Variants in ODR4 observed in about 807,000 individuals in gnomAD.
ODR4 encodes odr-4 GPCR localization factor homolog, also known as protein odr-4 homolog.
A neutral mutation model predicts 60.2 loss-of-function variants in ODR4; 47 were observed. That is an observed-to-expected ratio of 0.78 (90% CI 0.62 to 1.00). ODR4 has a LOEUF of 1.00. ODR4 is among the 50% of genes least tolerant of loss of function. The pLI, the probability that ODR4 is intolerant of heterozygous loss-of-function variation, is 0.00. For missense variants in ODR4, 488 were observed against 530.8 expected (o/e 0.92, Z 0.79); for synonymous variants, 178 against 175.5 (o/e 1.01, Z -0.11).
At chr1:186,426,107 C>G (rs372262634), downstream of ODR4, among the ~76,000 whole-genome samples, 2 of 152,248 alleles carry the variant, frequency 1.3e-5, no homozygotes, top group African/African-American at 4.8e-5. Flanking sequence ...TGTTGCCTTT[C>G]TGTTTTCTCA....
At chr1:186,398,560 C>A in intron 10 of ODR4, 119 bp downstream of exon 10, 2 of 990,114 alleles carry the variant, frequency 2.0e-6, no homozygotes, top group Non-Finnish European at 2.8e-6. Context: ...TGATAATGGC[C>A]TATTGTGCAG....
At position 186,419,284 on chromosome 1, in the gene ODR4, ATAACGT is replaced by A; in HGVS notation, c.*211_*216del. 1.8e-6 allele frequency: 1 copy of A among 564,744 alleles called. No homozygotes were observed. The highest frequency in any genetic ancestry group is 3.2e-6 in the Non-Finnish European group (1 of 317,098). The allele number at this position is 564,744 out of a possible 1,614,324, so 35.0% of individuals were successfully genotyped here. A position where few individuals can be genotyped will look rare whatever the true frequency, so the allele number is the denominator to read the frequency against. On this transcript the variant is annotated 3_prime_UTR_variant, in exon 14 of 14. Coordinates refer to ENST00000287859, the MANE Select transcript of ODR4 (RefSeq NM_017847.6). ...TTGTAGGTGGCCCGCATTTCCAGAA[ATAACGT>A]TATGCATCTAGATGGAAGCTGCATG...
In ODR4 at chr1:186,417,567, A is replaced by G. The variant is rs1476318466; in HGVS notation, c.1210A>G (p.Ser404Gly). Residue 404 changes from serine to glycine, a missense_variant, in exon 13 of 14, where the codon AGT becomes GGT. Ser to Gly is a moderately conservative substitution (Grantham distance 56). Coordinates refer to ENST00000287859, the MANE Select transcript of ODR4 (RefSeq NM_017847.6). ...NTACMSSSMNSQASLDNTDDE... is the reference protein window; with the variant it reads ...NTACMSSSMNGQASLDNTDDE... ...AGCTTGTATGAGTTCTTCTATGAAT[A>G]GTCAAGCTTCATTGGACAACACAGA... 1.1e-5 allele frequency: 17 copies of G among 1,593,482 alleles called. No individual in the cohort carries two copies. Among genetic ancestry groups the G allele is most frequent in the Non-Finnish European group, 1.5e-5 (17 of 1,166,944 alleles).
At position 186,399,701 on chromosome 1, in the gene ODR4, ATAT is replaced by A. The variant is rs150706325; in HGVS notation, c.1000+663_1000+665del. ...TTTAAATAATTTAGCCATAATCAAA[ATAT>A]TATTAGTGTTAAATACTATATAATA... On this transcript the variant is annotated intron_variant, in intron 11 of 13. Transcript: ENST00000287859. Among the ~76,000 whole-genome samples, 942 of 152,242 alleles carry A rather than the reference ATAT, an allele frequency of 6.2e-3. 12 individuals are homozygous for A. The highest frequency in any genetic ancestry group is 0.021 in the African/African-American group (887 of 41,536).
chr1:186,389,276 A>C (rs1660366012), intron 5 of ODR4, among the ~76,000 whole-genome samples: 1 of 151,974 alleles, frequency 6.6e-6, no homozygotes, highest in Non-Finnish European at 1.5e-5. Context: ...TTTCTTATGG[A>C]GAGTGTATAT....
chr1:186,424,046 C>T (rs1007837686), downstream of ODR4, among the ~76,000 whole-genome samples: 1 of 152,184 alleles, frequency 6.6e-6, no homozygotes, highest in African/African-American at 2.4e-5. Context: ...AATTCACGTA[C>T]ACTAACCATT....
intron 2 of ODR4, among the ~76,000 whole-genome samples, chr1:186,381,170 T>C (rs1389935470): frequency 6.6e-6 from 1 of 152,210 alleles, no homozygotes; most frequent in Non-Finnish European, 1.5e-5. Flanking sequence ...TTTAAAACAT[T>C]TAAGAGAAGA....
At position 186,390,708 on chromosome 1, in the gene ODR4, T is replaced by TA; in HGVS notation, c.475-2dup. On this transcript the variant is annotated splice_region_variant and splice_polypyrimidine_tract_variant and intron_variant, in intron 6 of 13. Transcript: ENST00000287859. Reference sequence around the variant, plus strand: ...GTTATTTTTCTCCCTTCTCCACTGCTAGAGTTCAGCAAGACCAGCAGATTG... The same window carrying TA: ...GTTATTTTTCTCCCTTCTCCACTGCTAAGAGTTCAGCAAGACCAGCAGATTG... The TA allele has an allele frequency of 1.2e-6, 2 of 1,613,314 alleles. No homozygotes were observed. The highest frequency in any genetic ancestry group is 1.7e-4 in the Middle Eastern group (1 of 6,056).
At chr1:186,405,713 G>A (rs1018020507) in intron 11 of ODR4, among the ~76,000 whole-genome samples, 4 of 152,006 alleles carry the variant, frequency 2.6e-5, no homozygotes, top group Non-Finnish European at 4.4e-5. Context: ...CACCACGCCT[G>A]ACTAATTTTT....
At chr1:186,411,373 A>G (rs75537706) in intron 12 of ODR4, among the ~76,000 whole-genome samples, 6,471 of 152,318 alleles carry the variant, frequency 0.042, 180 homozygotes, top group Non-Finnish European at 0.061. Flanking sequence ...GATGCTCTGT[A>G]ATATACAGTG....
downstream of ODR4, among the ~76,000 whole-genome samples, chr1:186,422,514 A>G (rs16825343): frequency 1.2e-3 from 176 of 152,338 alleles, 2 homozygotes; most frequent in East Asian, 0.031. Context: ...TATATTAGCA[A>G]AACTGGACCC....
Position 186,419,244 on chromosome 1 carries a change from T to G in ODR4, c.*168T>G. The G allele has an allele frequency of 1.6e-6, 1 of 636,990 alleles. No homozygotes were observed. Among genetic ancestry groups the G allele is most frequent in the East Asian group, 2.8e-5 (1 of 36,136 alleles). 39.5% of individuals were successfully genotyped at this position (636,990 alleles called of 1,614,324 possible). A position where few individuals can be genotyped will look rare whatever the true frequency, so the allele number is the denominator to read the frequency against. ...AAAATGAAATCACAAGCTGCCTTGT[T>G]TAGCCTGCTTTACATTGTAGGTGGC... On this transcript the variant is annotated 3_prime_UTR_variant, in exon 14 of 14. Coordinates refer to ENST00000287859, the MANE Select transcript of ODR4 (RefSeq NM_017847.6).
chr1:186,423,424 A>G (rs537108865), downstream of ODR4, among the ~76,000 whole-genome samples: 1 of 116,866 alleles, frequency 8.6e-6, no homozygotes, highest in East Asian at 2.9e-4. Flanking sequence ...AAGGGTGGCT[A>G]TTATCACCAC....
At chr1:186,400,833 C>T in intron 11 of ODR4, 1 of 402,180 alleles carries the variant, frequency 2.5e-6, no homozygotes, top group Non-Finnish European at 4.4e-6. Flanking sequence ...GAATTTGAAT[C>T]TTACATGCAA....
chr1:186,426,062 ATTAG>A (rs927525522), downstream of ODR4, among the ~76,000 whole-genome samples: 18 of 152,286 alleles, frequency 1.2e-4, no homozygotes, highest in Non-Finnish European at 2.2e-4. Context: ...CCATGAGCTT[ATTAG>A]TTCTACCTTT....
At chr1:186,427,800 G>T in the ODR4 span, among the ~76,000 whole-genome samples, 9 of 152,164 alleles carry the variant, frequency 5.9e-5, no homozygotes. Flanking sequence ...TTGATCCATG[G>T]TCTGAAGAAT....
At chr1:186,382,759 T>C (rs1440524017) in intron 2 of ODR4, among the ~76,000 whole-genome samples, 1 of 152,224 alleles carries the variant, frequency 6.6e-6, no homozygotes. Context: ...ACTCCATGAT[T>C]TACATTTGAG....
At chr1:186,406,324 A>T in intron 12 of ODR4, 56 bp downstream of exon 12, 3 of 1,299,778 alleles carry the variant, frequency 2.3e-6, no homozygotes. Flanking sequence ...GATTTTACCT[A>T]TGAGATGTCT....
intron 12 of ODR4, among the ~76,000 whole-genome samples, chr1:186,411,561 C>T (rs1661382901): frequency 2.0e-5 from 3 of 151,880 alleles, no homozygotes; most frequent in Admixed American, 2.0e-4. Context: ...TTTTAATCCT[C>T]TTTCTTGGGT....
Sources: allele counts gnomAD v4.1 joint callset (sites outside exome capture counted in the v4.1 genomes callset), GRCh38; gene constraint gnomAD v4.1.1; transcripts MANE v1.5; gene names NCBI Gene and HGNC (gene_info 2026-07-23, HGNC 2026-07-21).